LRP1B: variants seen among roughly 807,000 people sequenced by gnomAD.
LRP1B encodes low-density lipoprotein receptor-related protein 1B.
LRP1B carries 217 observed loss-of-function variants against 556.6 expected under a neutral mutation model. That is an observed-to-expected ratio of 0.39 (90% confidence interval 0.35 to 0.44). The LOEUF (loss-of-function observed/expected upper bound fraction) is 0.44. LRP1B is among the 20% of genes least tolerant of loss of function. The pLI is 1.00. For synonymous variants in LRP1B, 2,047 were observed against 1,865.8 expected, an observed-to-expected ratio of 1.10 and a Z score of -2.50; for missense variants, 5,053 against 5,620.8, an observed-to-expected ratio of 0.90 and a Z score of 3.23.
At chr2:142,054,406 A>T (rs536002228) in intron 1 of LRP1B, among the ~76,000 whole-genome samples, 1 of 152,214 alleles carries the variant, frequency 6.6e-6, no homozygotes, top group South Asian at 2.1e-4. Flanking sequence ...ATAGCTCCCT[A>T]AAATGCCATA....
At chr2:140,642,303 G>A (rs997526795) in intron 41 of LRP1B, among the ~76,000 whole-genome samples, 19 of 152,120 alleles carry the variant, frequency 1.2e-4, no homozygotes, top group African/African-American at 4.3e-4. Context: ...TCATTCCACC[G>A]CTACACGCCT....
At chr2:140,371,636 T>A (rs886478158) in intron 69 of LRP1B, among the ~76,000 whole-genome samples, 3 of 151,702 alleles carry the variant, frequency 2.0e-5, no homozygotes, top group Non-Finnish European at 4.4e-5. Context: ...AATTTTAAAT[T>A]AAATCATTTT....
At chr2:141,143,958 A>T (rs939188941) in intron 7 of LRP1B, among the ~76,000 whole-genome samples, 1 of 152,054 alleles carries the variant, frequency 6.6e-6, no homozygotes, top group Non-Finnish European at 1.5e-5. Context: ...TCTTTCTAAC[A>T]GATTACACTG....
intron 43 of LRP1B, among the ~76,000 whole-genome samples, chr2:140,546,291 G>T (rs1253494819): frequency 1.3e-5 from 2 of 151,988 alleles, no homozygotes; most frequent in Non-Finnish European, 2.9e-5. Flanking sequence ...TTGCCTGATT[G>T]CTCTGCCCAG....
chr2:140,683,359 A>G lies in LRP1B; in HGVS notation c.6799+16891T>C, dbSNP rs1410659012. 7 of 485,968 alleles carry G rather than the reference A, an allele frequency of 1.4e-5. No homozygotes were observed. In the East Asian group the frequency reaches 3.1e-4, roughly 21 times the overall value. The allele number at this position is 485,968 out of a possible 1,614,324, so 30.1% of individuals were successfully genotyped here. On this transcript the variant is annotated intron_variant, in intron 41 of 90. Coordinates refer to ENST00000389484, the MANE Select transcript of LRP1B (RefSeq NM_018557.3). ...CTACAAGGCAGAAAACTCCACACACAATCTTCAGCATCATCAAACTATCCT... is the reference window on the plus strand; with the variant it reads ...CTACAAGGCAGAAAACTCCACACACGATCTTCAGCATCATCAAACTATCCT...
At chr2:140,772,725 A>G (rs898241402) in intron 33 of LRP1B, among the ~76,000 whole-genome samples, 5 of 152,292 alleles carry the variant, frequency 3.3e-5, no homozygotes, top group East Asian at 3.9e-4. Context: ...ATGTATTTCA[A>G]CTACCAAGAC....
At position 140,982,262 on chromosome 2, in the gene LRP1B, C is replaced by A. The variant is rs148724909; in HGVS notation, c.2785G>T (p.Val929Leu). The change falls in exon 18 of 91, where the codon GTA becomes TTA. Residue 929 changes from valine to leucine, a missense_variant. Val to Leu is a conservative substitution (Grantham distance 32, BLOSUM62 1). Transcript: ENST00000389484. ...NQTCTARTCQ[V>L]DQFSCGNGRC... ...CCATTTCCGCAAGAAAACTGGTCTA[C>A]CTGGCATGTTCTGGCTATGATGATC... The A allele has an allele frequency of 6.4e-4, 1,033 of 1,612,510 alleles. 9 individuals carry two copies. In the African/African-American group the frequency reaches 0.011, roughly 18 times the overall value.
At chr2:141,614,047 T>A (rs1014428262) in intron 2 of LRP1B, among the ~76,000 whole-genome samples, 3 of 103,224 alleles carry the variant, frequency 2.9e-5, no homozygotes, top group Non-Finnish European at 5.2e-5. Flanking sequence ...CACTCCACAC[T>A]CCAGCCTGGG....
intron 7 of LRP1B, among the ~76,000 whole-genome samples, chr2:141,162,377 T>C (rs1288232989): frequency 6.6e-6 from 1 of 152,006 alleles, no homozygotes; most frequent in Non-Finnish European, 1.5e-5. Flanking sequence ...GTATTCACGA[T>C]CTTTTGTCTT....
chr2:140,387,285 A>C (rs1683800080), intron 66 of LRP1B, among the ~76,000 whole-genome samples: 1 of 152,184 alleles, frequency 6.6e-6, no homozygotes, highest in Non-Finnish European at 1.5e-5. Flanking sequence ...CTTAAATAAC[A>C]TTAAGAAAGC....
chr2:140,493,748 A>G (rs1226399602), intron 56 of LRP1B, among the ~76,000 whole-genome samples: 1 of 152,134 alleles, frequency 6.6e-6, no homozygotes, highest in African/African-American at 2.4e-5. Flanking sequence ...GTTTGAAATC[A>G]TTATTTTTCT....
intron 3 of LRP1B, among the ~76,000 whole-genome samples, chr2:141,273,473 A>G (rs1558974088): frequency 6.6e-6 from 1 of 152,194 alleles, no homozygotes; most frequent in Non-Finnish European, 1.5e-5. Flanking sequence ...AGAAAGTTCA[A>G]TGGGGAGGAA....
In LRP1B at chr2:140,516,960, C is replaced by T. The variant is rs374433950; in HGVS notation, c.8078G>A (p.Arg2693Lys). The stretch of plus-strand genomic sequence containing the variant: ...GCATATCCAGGTATTCAAAATGCAT[C>T]TTCCACTAGGACAACTAAAATAATT... ...EENYFSCPSG[R>K]CILNTWICDG... is the part of the protein sequence containing the mutation. Residue 2693 changes from arginine (R) to lysine (K), a missense_variant, in exon 50 of 91, where the codon AGA becomes AAA. Arg to Lys is a conservative substitution (Grantham distance 26). This residue lies in a region of LRP1B where 3,619 missense variants were observed against 3,931.9 expected (regional missense o/e 0.92). Coordinates refer to ENST00000389484, the MANE Select transcript of LRP1B (RefSeq NM_018557.3). 6.2e-7 allele frequency: 1 copy of T among 1,605,088 alleles called. No individual in the cohort carries two copies.
At chr2:140,398,392 G>A (rs750991173) in intron 66 of LRP1B, among the ~76,000 whole-genome samples, 1 of 152,100 alleles carries the variant, frequency 6.6e-6, no homozygotes, top group Non-Finnish European at 1.5e-5. Context: ...AAAGCATACT[G>A]CTAGTGATCT....
chr2:140,325,888 C>A lies in LRP1B; in HGVS notation c.12224-10G>T, dbSNP rs2105064465. On this transcript the variant is annotated splice_polypyrimidine_tract_variant and intron_variant, in intron 79 of 90. Coordinates refer to ENST00000389484, the MANE Select transcript of LRP1B (RefSeq NM_018557.3). ...TAATCCACAGCCAAACCTGCAAAAT[C>A]AACACACACAAGACAAATAGTGCAA... The A allele has an allele frequency of 6.6e-7, 1 of 1,510,660 alleles. No individual in the cohort carries two copies. Among genetic ancestry groups the A allele is most frequent in the East Asian group, 2.3e-5 (1 of 44,118 alleles). 93.6% of individuals were successfully genotyped at this position (1,510,660 alleles called of 1,614,324 possible).
intron 2 of LRP1B, among the ~76,000 whole-genome samples, chr2:141,734,911 C>A (rs1288597236): frequency 6.6e-6 from 1 of 152,098 alleles, no homozygotes; most frequent in African/African-American, 2.4e-5. Context: ...TTGGCCAGAA[C>A]TGAAGTCTGT....
rs540541736 is a variant in LRP1B at position 141,679,792 on chromosome 2, C to T, written c.205+130487G>A. Among the ~76,000 whole-genome samples the T allele has an allele frequency of 5.9e-5, 9 of 151,496 alleles. No individual in the cohort carries two copies. The East Asian group carries it at 1.7e-3, about 29-fold the overall frequency. ...GATCTGCATGTATTAACATAAAGCA[C>T]AAAAGTATACTAATACTTTGATATA... On this transcript the variant is annotated intron_variant, in intron 2 of 90. Coordinates refer to ENST00000389484, the MANE Select transcript of LRP1B (RefSeq NM_018557.3).
chr2:140,609,993 T>C (rs11674356), intron 41 of LRP1B, among the ~76,000 whole-genome samples: 20,445 of 152,128 alleles, frequency 0.13, 1,471 homozygotes, highest in Middle Eastern at 0.17. Flanking sequence ...TTTTTTATTA[T>C]GCCCTGGCCA....
intron 86 of LRP1B, among the ~76,000 whole-genome samples, chr2:140,266,129 C>T (rs1168628729): frequency 6.6e-6 from 1 of 151,298 alleles, no homozygotes; most frequent in Admixed American, 6.6e-5. Context: ...CCTCTAGATC[C>T]TACTTACTGT....
Sources: allele counts gnomAD v4.1 joint callset (sites outside exome capture counted in the v4.1 genomes callset), GRCh38; gene constraint gnomAD v4.1.1; regional missense constraint gnomAD v4.1.1; transcripts MANE v1.5; gene names NCBI Gene and HGNC (gene_info 2026-07-23, HGNC 2026-07-21).